The following CFHR5 variants were observed in gnomAD, a reference collection of about 807,000 sequenced individuals.
The protein encoded by CFHR5 is complement factor H-related protein 5.
CFHR5 carries 73 observed loss-of-function variants against 62.9 expected under a neutral mutation model. That is an observed-to-expected ratio of 1.16 (90% CI 0.96 to 1.41). The LOEUF (loss-of-function observed/expected upper bound fraction) is 1.41. Among genes scored for constraint, CFHR5 ranks in the 40% most tolerant of loss-of-function variants. The pLI, the probability that CFHR5 is intolerant of heterozygous loss-of-function variation, is 0.00. For missense variants in CFHR5, 779 were observed against 679.9 expected (o/e 1.15, Z -1.62); for synonymous variants, 249 against 227.2 (o/e 1.10, Z -0.86).
At chr1:196,977,505 C>T, upstream of CFHR5, 1 of 715,026 alleles carries the variant, frequency 1.4e-6, no homozygotes, top group South Asian at 1.5e-5. Context: ...CACAACCCTC[C>T]ATGAACTTTG....
chr1:196,983,937 C>A (rs1365575744), intron 2 of CFHR5, 24 bp from the exon 3 acceptor site: 4 of 1,571,534 alleles, frequency 2.5e-6, no homozygotes, highest in Non-Finnish European at 3.5e-6. Context: ...CCATCTTGTA[C>A]ATTAATCAAT....
At chr1:196,983,229 T>A in intron 2 of CFHR5, 150 bp downstream of exon 2, 1 of 967,702 alleles carries the variant, frequency 1.0e-6, no homozygotes, top group South Asian at 1.4e-5. Context: ...TTGAGACCCC[T>A]CCTATGAGAA....
At chr1:196,977,468 C>A, upstream of CFHR5, 2 of 635,672 alleles carry the variant, frequency 3.1e-6, no homozygotes, top group Middle Eastern at 7.8e-4. Flanking sequence ...TGTGAAGACA[C>A]TGATTAGATA....
intron 9 of CFHR5, 31 bp from the exon 10 acceptor site, chr1:197,008,456 A>G: frequency 7.6e-7 from 1 of 1,316,770 alleles, no homozygotes; most frequent in Non-Finnish European, 1.0e-6. Flanking sequence ...ATTATTATTT[A>G]TTTATTTTAT....
chr1:196,996,310 C>A, intron 6 of CFHR5, 109 bp downstream of exon 6: 1 of 837,624 alleles, frequency 1.2e-6, no homozygotes, highest in Non-Finnish European at 2.0e-6. Flanking sequence ...ACTGACTCTT[C>A]CTTCCACAAG....
upstream of CFHR5, among the ~76,000 whole-genome samples, chr1:196,976,799 C>CTTTTTT (rs10588279): frequency 6.9e-4 from 68 of 98,142 alleles, 2 homozygotes; most frequent in African/African-American, 6.5e-4. Context: ...AAAAATTATT[C>CTTTTTT]TTTTTTTTTT....
Position 196,994,263 on chromosome 1 carries a change from A to G in CFHR5, c.607+7A>G. 6.2e-7 allele frequency: 1 copy of G among 1,606,140 alleles called. No homozygotes were observed. The highest frequency in any genetic ancestry group is 8.5e-7 in the Non-Finnish European group (1 of 1,173,064). On this transcript the variant is annotated splice_region_variant and intron_variant, in intron 4 of 9. Transcript: ENST00000256785. ...AACTTTCCAACATGCAAAGGTCAGTATTTATTTTAGAAGTGATGAAACAAG... is the reference window on the plus strand; with the variant it reads ...AACTTTCCAACATGCAAAGGTCAGTGTTTATTTTAGAAGTGATGAAACAAG...
intron 9 of CFHR5, 119 bp downstream of exon 9, chr1:197,004,962 A>T: frequency 1.2e-6 from 1 of 807,660 alleles, no homozygotes; most frequent in South Asian, 1.6e-5. Flanking sequence ...TTTCCTGTCA[A>T]ATGTAAATAC....
At chr1:197,000,846 T>C (rs1367018254) in intron 7 of CFHR5, among the ~76,000 whole-genome samples, 4 of 152,066 alleles carry the variant, frequency 2.6e-5, no homozygotes, top group Non-Finnish European at 5.9e-5. Context: ...GTTTACAAAA[T>C]ACCTAAACAA....
upstream of CFHR5, among the ~76,000 whole-genome samples, chr1:196,975,147 T>A (rs1653367100): frequency 1.3e-5 from 2 of 152,136 alleles, no homozygotes; most frequent in African/African-American, 4.8e-5. Flanking sequence ...AGTCATGAAA[T>A]TTTTCTGAGT....
At chr1:197,001,875 G>T (rs987566668) in intron 7 of CFHR5, among the ~76,000 whole-genome samples, 3 of 151,908 alleles carry the variant, frequency 2.0e-5, no homozygotes, top group Non-Finnish European at 2.9e-5. Context: ...CAGGTCAGGA[G>T]GTTTAGAAAA....
At chr1:197,006,859 C>G (rs1321349373) in intron 9 of CFHR5, among the ~76,000 whole-genome samples, 5 of 151,262 alleles carry the variant, frequency 3.3e-5, no homozygotes, top group African/African-American at 1.2e-4. Flanking sequence ...TTTTTCAAGA[C>G]AAAGTCTTGC....
chr1:197,000,197 A>C (rs2125037685), intron 7 of CFHR5, among the ~76,000 whole-genome samples: 1 of 152,242 alleles, frequency 6.6e-6, no homozygotes, highest in African/African-American at 2.4e-5. Flanking sequence ...CCTTATTTAA[A>C]GTTTTGAGAA....
rs779177613 is a variant in CFHR5 at position 197,008,730 on chromosome 1, C to A, written c.*47C>A. 1.4e-6 allele frequency: 2 copies of A among 1,469,692 alleles called. No individual in the cohort carries two copies. Among genetic ancestry groups the A allele is most frequent in the Non-Finnish European group, 1.9e-6 (2 of 1,049,800 alleles). 91.0% of individuals were successfully genotyped at this position (1,469,692 alleles called of 1,614,324 possible). A position where few individuals can be genotyped will look rare whatever the true frequency, so the allele number is the denominator to read the frequency against. On this transcript the variant is annotated 3_prime_UTR_variant, in exon 10 of 10. Coordinates refer to ENST00000256785, the MANE Select transcript of CFHR5 (RefSeq NM_030787.4). ...TATATTCTTCAAACATCCATCTATG[C>A]TAAAAGTAGCCATTATGTAGCCAAT...
rs1275616942 is a variant in CFHR5 at position 196,996,265 on chromosome 1, T to G, written c.970+64T>G. On this transcript the variant is annotated intron_variant, in intron 6 of 9. Coordinates refer to ENST00000256785, the MANE Select transcript of CFHR5 (RefSeq NM_030787.4). ...TCATTTTGATTGGGATTGTATAAAG[T>G]GTATAAATCTGGCTAGAATTACAAT... 36 of 1,298,572 alleles carry G rather than the reference T, an allele frequency of 2.8e-5. 1 individual carries two copies. In the South Asian group the frequency reaches 3.1e-4, roughly 11 times the overall value. 80.4% of individuals were successfully genotyped at this position (1,298,572 alleles called of 1,614,324 possible). A position where few individuals can be genotyped will look rare whatever the true frequency, so the allele number is the denominator to read the frequency against.
Position 196,984,118 on chromosome 1 carries a change from TC to T in CFHR5, c.414del (p.Ile139TyrfsTer14). On this transcript the variant is annotated frameshift_variant, in exon 3 of 10. Coordinates refer to ENST00000256785, the MANE Select transcript of CFHR5 (RefSeq NM_030787.4). LOFTEE classifies it high-confidence loss of function. Reference protein sequence around the residue: ...SCVERGWSTPPICSFTKGECH... With the variant: ...SCVERGWSTPXICSFTKGECH... ...GTGTAGAACGGGGCTGGTCCACTCCTCCCATATGCAGCTTCACTAGTAAGCA... is the reference window on the plus strand; with the variant it reads ...GTGTAGAACGGGGCTGGTCCACTCCTCCATATGCAGCTTCACTAGTAAGCA... 1 of 1,612,278 alleles carries T rather than the reference TC, an allele frequency of 6.2e-7. No individual in the cohort carries two copies. The highest frequency in any genetic ancestry group is 8.5e-7 in the Non-Finnish European group (1 of 1,179,162).
intron 7 of CFHR5, among the ~76,000 whole-genome samples, chr1:196,999,705 A>ATATATATG (rs1553315399): frequency 1.9e-5 from 1 of 52,752 alleles, no homozygotes; most frequent in African/African-American, 5.0e-5. Context: ...ATATATATAT[A>ATATATATG]TATATATATA....
At chr1:197,002,402 A>G in intron 7 of CFHR5, 80 bp from the exon 8 acceptor site, 3 of 1,019,196 alleles carry the variant, frequency 2.9e-6, no homozygotes, top group East Asian at 2.6e-5. Flanking sequence ...TGAATCTTCC[A>G]TTTTCCTGAA....
intron 3 of CFHR5, among the ~76,000 whole-genome samples, chr1:196,986,065 A>T (rs914530477): frequency 6.6e-6 from 1 of 152,206 alleles, no homozygotes; most frequent in Non-Finnish European, 1.5e-5. Flanking sequence ...AGATGGACAG[A>T]TGGACCAAGT....
Sources: allele counts gnomAD v4.1 joint callset (sites outside exome capture counted in the v4.1 genomes callset), GRCh38; gene constraint gnomAD v4.1.1; transcripts MANE v1.5; gene names NCBI Gene and HGNC (gene_info 2026-07-23, HGNC 2026-07-21).